MYCBP2: variants seen among roughly 807,000 people sequenced by gnomAD.
MYCBP2 encodes E3 ubiquitin-protein ligase MYCBP2.
In MYCBP2, 120 loss-of-function variants were observed where a neutral mutation model predicts 525.3. The ratio of observed to expected loss-of-function variants is 0.23; its 90% CI spans 0.20 to 0.27. MYCBP2 has a LOEUF of 0.27. MYCBP2 is among the 10% of genes least tolerant of loss of function. The pLI is 1.00. For synonymous variants in MYCBP2, 1,894 were observed against 1,955.8 expected (o/e 0.97, Z 0.83); for missense variants, 4,149 against 5,657.1 (o/e 0.73, Z 8.55).
At chr13:77,309,352 T>C (rs915305084) in intron 1 of MYCBP2, among the ~76,000 whole-genome samples, 3 of 152,230 alleles carry the variant, frequency 2.0e-5, no homozygotes, top group Non-Finnish European at 4.4e-5. Context: ...ACTTTGAATA[T>C]ACTGAACATA....
chr13:77,068,508 T>C, intron 70 of MYCBP2, 57 bp downstream of exon 70: 1 of 1,575,030 alleles, frequency 6.3e-7, no homozygotes, highest in Non-Finnish European at 8.6e-7. Flanking sequence ...GCATTGCAAC[T>C]TTTAACAATG....
Position 77,275,502 on chromosome 13 carries a change from T to C in MYCBP2, c.749-1834A>G, listed in dbSNP as rs558550067. ...TCCTATTCACCCTCTAAATCTCATATGTCACATCTTCAGGGAGCCTGTTAA... is the reference window on the plus strand; with the variant it reads ...TCCTATTCACCCTCTAAATCTCATACGTCACATCTTCAGGGAGCCTGTTAA... On this transcript the variant is annotated intron_variant, in intron 4 of 82. Coordinates refer to ENST00000544440, the MANE Select transcript of MYCBP2 (RefSeq NM_015057.5). Among the ~76,000 whole-genome samples the C allele has an allele frequency of 2.3e-4, 35 of 152,304 alleles. No homozygotes were observed. In the East Asian group the frequency reaches 5.4e-3, roughly 24 times the overall value.
chr13:77,307,833 C>T (rs2079658916), intron 1 of MYCBP2, among the ~76,000 whole-genome samples: 1 of 151,984 alleles, frequency 6.6e-6, no homozygotes, highest in Non-Finnish European at 1.5e-5. Context: ...ATCCCTGCCC[C>T]CTGTCCCGCC....
chr13:77,133,603 C>T (rs1161538283), intron 52 of MYCBP2, among the ~76,000 whole-genome samples: 1 of 152,100 alleles, frequency 6.6e-6, no homozygotes, highest in Non-Finnish European at 1.5e-5. Flanking sequence ...AAGAAGTAAG[C>T]CTTCTCTACT....
chr13:77,308,041 T>C (rs2079686889), intron 1 of MYCBP2, among the ~76,000 whole-genome samples: 1 of 152,230 alleles, frequency 6.6e-6, no homozygotes, highest in African/African-American at 2.4e-5. Flanking sequence ...CAATAAGCTA[T>C]AACAACCCTA....
chr13:77,144,314 C>T (rs1434509994), intron 49 of MYCBP2, 131 bp downstream of exon 49: 2 of 646,444 alleles, frequency 3.1e-6, no homozygotes, highest in Non-Finnish European at 5.5e-6. Context: ...AAAGAGAAAA[C>T]AAGGCCTCAA....
At chr13:77,165,870 A>G (rs1202552009) in intron 41 of MYCBP2, among the ~76,000 whole-genome samples, 1 of 152,220 alleles carries the variant, frequency 6.6e-6, no homozygotes, top group African/African-American at 2.4e-5. Context: ...GTCCTGGTTA[A>G]CTGGTTAAGA....
intron 47 of MYCBP2, 40 bp from the exon 48 acceptor site, chr13:77,146,257 T>G (rs1204001170): frequency 7.3e-7 from 1 of 1,371,636 alleles, no homozygotes; most frequent in Non-Finnish European, 1.0e-6. Context: ...GTAAAATCAT[T>G]TAAAAACATT....
At chr13:77,097,297 A>G (rs2046412573) in intron 56 of MYCBP2, 73 bp downstream of exon 56, 2 of 1,522,184 alleles carry the variant, frequency 1.3e-6, no homozygotes, top group Non-Finnish European at 8.8e-7. Context: ...AAATTCATAG[A>G]ACAGCTCAAA....
chr13:77,066,238 AT>A, intron 71 of MYCBP2, 150 bp from the exon 72 acceptor site: 1 of 593,034 alleles, frequency 1.7e-6, no homozygotes. Flanking sequence ...TCATCAAACC[AT>A]TACCCCAAAT....
intron 23 of MYCBP2, 114 bp downstream of exon 23, chr13:77,211,053 A>G (rs2063941864): frequency 8.2e-6 from 6 of 729,774 alleles, no homozygotes; most frequent in African/African-American, 1.9e-5. Flanking sequence ...CAGTTATTAG[A>G]TAAACAGGAG....
chr13:77,129,285 T>A, intron 52 of MYCBP2: 1 of 396,346 alleles, frequency 2.5e-6, no homozygotes, highest in Non-Finnish European at 4.5e-6. Context: ...GAACAGGATA[T>A]CATCTGCAGA....
chr13:77,133,210 C>T (rs950389738), intron 52 of MYCBP2, among the ~76,000 whole-genome samples: 2 of 152,158 alleles, frequency 1.3e-5, no homozygotes, highest in Admixed American at 6.6e-5. Flanking sequence ...CTACTTTCTA[C>T]TTGTGATCCT....
intron 22 of MYCBP2, among the ~76,000 whole-genome samples, chr13:77,211,592 C>T (rs2064015814): frequency 6.6e-6 from 1 of 152,016 alleles, no homozygotes; most frequent in South Asian, 2.1e-4. Context: ...ACTTGGTCTT[C>T]GTGAAATTTC....
chr13:77,131,579 T>C (rs2052852635), intron 52 of MYCBP2, among the ~76,000 whole-genome samples: 1 of 151,942 alleles, frequency 6.6e-6, no homozygotes, highest in South Asian at 2.1e-4. Flanking sequence ...AATGTTTTAG[T>C]CTAAAGATAT....
chr13:77,263,498 T>C (rs946416183), intron 10 of MYCBP2, among the ~76,000 whole-genome samples, 153 bp downstream of exon 10: 2 of 152,064 alleles, frequency 1.3e-5, no homozygotes, highest in African/African-American at 4.8e-5. Flanking sequence ...TATTTATTCA[T>C]ATTAATTCAA....
At chr13:77,276,158 G>A (rs908296563) in intron 4 of MYCBP2, among the ~76,000 whole-genome samples, 1 of 152,196 alleles carries the variant, frequency 6.6e-6, no homozygotes, top group Admixed American at 6.5e-5. Context: ...GTGAGTACTC[G>A]AGAATATAAT....
At chr13:77,270,779 A>C (rs1423667182) in intron 5 of MYCBP2, among the ~76,000 whole-genome samples, 1 of 152,110 alleles carries the variant, frequency 6.6e-6, no homozygotes, top group African/African-American at 2.4e-5. Flanking sequence ...CTTAGCCATT[A>C]TTTCAAGTAC....
intron 15 of MYCBP2, among the ~76,000 whole-genome samples, chr13:77,247,356 C>G (rs765775797): frequency 1.3e-4 from 20 of 152,034 alleles, no homozygotes; most frequent in Admixed American, 4.6e-4. Context: ...TCCATAGCAT[C>G]AAAAAGAATA....
Sources: gnomAD v4.1 joint callset for allele counts (sites outside exome capture counted in the v4.1 genomes callset) on GRCh38, gnomAD v4.1.1 for gene constraint, MANE v1.5 for transcripts, NCBI Gene and HGNC (gene_info 2026-07-23, HGNC 2026-07-21) for gene names.